The following TMTC3 variants were observed in gnomAD, a reference collection of about 807,000 sequenced individuals.
TMTC3 encodes transmembrane O-mannosyltransferase targeting cadherins 3.
Under a neutral mutation model 92.2 loss-of-function variants are expected in TMTC3, and 52 were observed. The observed-to-expected ratio is 0.56, with a 90% CI of 0.45 to 0.71. The LOEUF is 0.71. Among genes scored for constraint, TMTC3 ranks in the 30% least tolerant of loss-of-function variants. The pLI is 0.00. For missense variants in TMTC3, 896 were observed against 1,057.1 expected (o/e 0.85, Z 2.11); for synonymous variants, 339 against 363.3 (o/e 0.93, Z 0.76).
Position 88,191,050 on chromosome 12 carries a change from CA to C in TMTC3, c.1706+438del, listed in dbSNP as rs551538619. 4.7e-3 allele frequency among the ~76,000 whole-genome samples: 689 copies of C among 146,920 alleles called. 3 individuals are homozygous for C. The highest frequency in any genetic ancestry group is 0.016 in the African/African-American group (625 of 40,196). Reference sequence around the variant, plus strand: ...ACAAAGAAAACATCTTGGTTCTCAGCAAAAAAAAAAGTTTTCTGGCACCACA... The same window carrying C: ...ACAAAGAAAACATCTTGGTTCTCAGCAAAAAAAAAGTTTTCTGGCACCACA... On this transcript the variant is annotated intron_variant, in intron 12 of 13. Coordinates refer to ENST00000266712, the MANE Select transcript of TMTC3 (RefSeq NM_181783.4).
chr12:88,157,315 C>T (rs932477311), intron 4 of TMTC3, among the ~76,000 whole-genome samples: 19 of 150,840 alleles, frequency 1.3e-4, no homozygotes, highest in Non-Finnish European at 5.9e-5. Context: ...CTTTGTATTC[C>T]CTATTGTATC....
chr12:88,151,474 A>G (rs2040942124), intron 2 of TMTC3, among the ~76,000 whole-genome samples: 1 of 152,174 alleles, frequency 6.6e-6, no homozygotes, highest in Non-Finnish European at 1.5e-5. Context: ...TGTTTTATTC[A>G]TAATGGCCCT....
chr12:88,156,538 A>C (rs915870613), intron 4 of TMTC3, among the ~76,000 whole-genome samples: 22 of 152,140 alleles, frequency 1.4e-4, no homozygotes, highest in African/African-American at 4.8e-4. Context: ...GTTGGTTTGT[A>C]CCTTTTAAAA....
intron 4 of TMTC3, 49 bp from the exon 5 acceptor site, chr12:88,160,065 T>C (rs2041058021): frequency 2.4e-6 from 3 of 1,249,144 alleles, no homozygotes; most frequent in Non-Finnish European, 3.4e-6. Flanking sequence ...TTTTTTGATA[T>C]TATAAAATTG....
chr12:88,147,871 A>T (rs1285206466), intron 1 of TMTC3, among the ~76,000 whole-genome samples: 1 of 152,118 alleles, frequency 6.6e-6, no homozygotes, highest in Non-Finnish European at 1.5e-5. Flanking sequence ...AGTTTTACAG[A>T]ATTTTGTGCC....
chr12:88,148,216 A>G (rs1231456709), intron 1 of TMTC3, 72 bp from the exon 2 acceptor site: 1 of 897,128 alleles, frequency 1.1e-6, no homozygotes, highest in African/African-American at 1.7e-5. Context: ...GCAATTACTT[A>G]CCCACCTACT....
intron 1 of TMTC3, among the ~76,000 whole-genome samples, chr12:88,146,665 AGAATT>A (rs1462630439): frequency 1.3e-5 from 2 of 150,114 alleles, no homozygotes; most frequent in Admixed American, 1.3e-4. Context: ...GATATATTGA[AGAATT>A]GAATTATTTT....
In TMTC3 at chr12:88,159,949, G is replaced by A. The variant is rs564754760; in HGVS notation, c.509-165G>A. 1.8e-3 allele frequency among the ~76,000 whole-genome samples: 279 copies of A among 152,104 alleles called. 2 individuals carry two copies. Among genetic ancestry groups the A allele is most frequent in the South Asian group, 4.1e-3 (20 of 4,820 alleles). ...TACATGTTGATATTTTGCTTTGAAT[G>A]TATAAAGTAAAAATTATTAAATTTA... On this transcript the variant is annotated intron_variant, in intron 4 of 13. Coordinates refer to ENST00000266712, the MANE Select transcript of TMTC3 (RefSeq NM_181783.4).
chr12:88,167,209 A>G (rs901482988), intron 7 of TMTC3, among the ~76,000 whole-genome samples: 2 of 151,992 alleles, frequency 1.3e-5, no homozygotes, highest in Admixed American at 6.6e-5. Flanking sequence ...AGCCTGGTCA[A>G]CCTGGTGAAA....
At chr12:88,170,294 TC>T (rs2041190527) in intron 7 of TMTC3, among the ~76,000 whole-genome samples, 1 of 152,198 alleles carries the variant, frequency 6.6e-6, no homozygotes, top group Non-Finnish European at 1.5e-5. Context: ...AACACTTAAT[TC>T]CCTCAAGTGA....
At chr12:88,151,282 G>C (rs1478678493) in intron 2 of TMTC3, among the ~76,000 whole-genome samples, 8 of 152,100 alleles carry the variant, frequency 5.3e-5, no homozygotes, top group Non-Finnish European at 1.2e-4. Context: ...AAAGTACCTT[G>C]TGCTAAGGTA....
chr12:88,194,759 A>G (rs1441789924), intron 13 of TMTC3, 79 bp from the exon 14 acceptor site: 2 of 929,266 alleles, frequency 2.2e-6, no homozygotes, highest in African/African-American at 3.4e-5. Flanking sequence ...TTTGTAATCT[A>G]AGTATTTGAA....
intron 10 of TMTC3, among the ~76,000 whole-genome samples, chr12:88,185,664 T>A (rs2041369044): frequency 6.6e-6 from 1 of 150,376 alleles, no homozygotes; most frequent in South Asian, 2.1e-4. Context: ...TGCTAAATTA[T>A]GTTCCAAAAA....
chr12:88,172,920 A>G lies in TMTC3; in HGVS notation c.1199+175A>G, dbSNP rs544866111. Reference sequence around the variant, plus strand: ...AAGTTAGGAAAGCTCCATGGCACCTACTTATTCTGTGTTCTTCCCTATATT... The same window carrying G: ...AAGTTAGGAAAGCTCCATGGCACCTGCTTATTCTGTGTTCTTCCCTATATT... On this transcript the variant is annotated intron_variant, in intron 8 of 13. Transcript: ENST00000266712. 3.3e-5 allele frequency: 50 copies of G among 1,499,206 alleles called. No individual in the cohort carries two copies. In the East Asian group the frequency reaches 3.7e-4, roughly 11 times the overall value. The allele number at this position is 1,499,206 out of a possible 1,614,324, so 92.9% of individuals were successfully genotyped here. A position where few individuals can be genotyped will look rare whatever the true frequency, so the allele number is the denominator to read the frequency against.
intron 4 of TMTC3, among the ~76,000 whole-genome samples, chr12:88,158,842 G>A (rs1348774380): frequency 6.6e-6 from 1 of 151,694 alleles, no homozygotes; most frequent in South Asian, 2.1e-4. Flanking sequence ...AGCTGAGGTC[G>A]GGAGTTCAAG....
intron 6 of TMTC3, among the ~76,000 whole-genome samples, chr12:88,164,339 C>A (rs753068977): frequency 2.0e-5 from 3 of 152,020 alleles, no homozygotes; most frequent in Admixed American, 1.3e-4. Flanking sequence ...GGGCTCCCAA[C>A]TTCATACTCT....
chr12:88,187,981 A>AT (rs1327155041), intron 10 of TMTC3, among the ~76,000 whole-genome samples: 5 of 151,902 alleles, frequency 3.3e-5, no homozygotes, highest in South Asian at 2.1e-4. Flanking sequence ...TTTCAGCTAC[A>AT]TTTTTTTTCC....
At position 88,195,523 on chromosome 12, in the gene TMTC3, A is replaced by T. The variant is rs760756105; in HGVS notation, c.2619A>T (p.Gln873His). ...AAAGTCAGTCTAAATCCAACAAACA[A>T]TTAGGAAAAAATGGAGACGAAGAGA... ...DNKSQSKSNK[Q>H]LGKNGDEETP... Residue 873 changes from glutamine (Q) to histidine (H), a missense_variant, in exon 14 of 14, where the codon CAA (glutamine) becomes CAT (histidine). Coordinates refer to ENST00000266712, the MANE Select transcript of TMTC3 (RefSeq NM_181783.4). 4.3e-6 allele frequency: 7 copies of T among 1,613,372 alleles called. No homozygotes were observed. The highest frequency in any genetic ancestry group is 5.1e-6 in the Non-Finnish European group (6 of 1,179,748).
chr12:88,191,264 GT>G (rs2041439383), intron 12 of TMTC3, among the ~76,000 whole-genome samples: 1 of 151,998 alleles, frequency 6.6e-6, no homozygotes, highest in Non-Finnish European at 1.5e-5. Context: ...GTAAGTTGGG[GT>G]TTTCTTTGTT....
Sources: allele counts gnomAD v4.1 joint callset (sites outside exome capture counted in the v4.1 genomes callset), GRCh38; gene constraint gnomAD v4.1.1; transcripts MANE v1.5; gene names NCBI Gene and HGNC (gene_info 2026-07-23, HGNC 2026-07-21).